Variants in FSTL4 observed in about 807,000 individuals in gnomAD.
The protein encoded by FSTL4 is follistatin like 4, also known as follistatin-related protein 4.
Under a neutral mutation model 78.2 loss-of-function variants are expected in FSTL4, and 28 were observed. The ratio of observed to expected loss-of-function variants is 0.36; its 90% CI spans 0.27 to 0.49. The LOEUF (loss-of-function observed/expected upper bound fraction) is 0.49, where lower values mean the gene tolerates loss of function less well. Ranked by LOEUF, FSTL4 falls within the 20% of genes least tolerant of loss-of-function variation. The pLI is 0.98. For missense variants in FSTL4, 922 were observed against 1,084.9 expected (o/e 0.85, Z 2.11); for synonymous variants, 422 against 440.5 (o/e 0.96, Z 0.53).
rs139952619 is a variant in FSTL4 at position 133,467,187 on chromosome 5, T to C, written c.161-66201A>G. ...GAGTGTATGAGTGTGGGAGTATGCG[T>C]GTATGTGAGTATATGAGTGTGTGAG... is the stretch of plus-strand genomic sequence containing the variant. On this transcript the variant is annotated intron_variant, in intron 3 of 15. Transcript: ENST00000265342. Among the ~76,000 whole-genome samples, 91 of 151,212 alleles carry C rather than the reference T, an allele frequency of 6.0e-4. 1 individual carries two copies. Among genetic ancestry groups the C allele is most frequent in the South Asian group, 3.4e-3 (16 of 4,770 alleles).
At chr5:133,511,943 G>A (rs973498257) in intron 3 of FSTL4, among the ~76,000 whole-genome samples, 71 of 152,102 alleles carry the variant, frequency 4.7e-4, no homozygotes, top group African/African-American at 1.7e-3. Context: ...GCTGCATGGT[G>A]GGAGCCAAAT....
intron 3 of FSTL4, among the ~76,000 whole-genome samples, chr5:133,485,431 T>C (rs553595810): frequency 6.6e-6 from 1 of 152,340 alleles, no homozygotes; most frequent in East Asian, 1.9e-4. Context: ...CCAGCCTGTG[T>C]TGGCAACAGC....
intron 2 of FSTL4, among the ~76,000 whole-genome samples, chr5:133,576,533 G>A (rs1238232021): frequency 6.6e-6 from 1 of 152,186 alleles, no homozygotes. Flanking sequence ...GGAGCTCAAC[G>A]TGGCCAGATC....
chr5:133,804,447 ACT>A, the FSTL4 span, among the ~76,000 whole-genome samples: 1 of 152,218 alleles, frequency 6.6e-6, no homozygotes, highest in African/African-American at 2.4e-5. Context: ...GGATAAGTGA[ACT>A]TAACCTAGTG....
intron 14 of FSTL4, among the ~76,000 whole-genome samples, chr5:133,207,411 CA>C (rs1379725119): frequency 6.6e-6 from 1 of 152,194 alleles, no homozygotes; most frequent in Admixed American, 6.5e-5. Context: ...CCTTTAAGGG[CA>C]ACCTTTTATT....
intron 4 of FSTL4, among the ~76,000 whole-genome samples, chr5:133,380,826 A>G (rs1046119230): frequency 2.7e-5 from 4 of 150,142 alleles, no homozygotes; most frequent in Admixed American, 1.3e-4. Context: ...ATATATATAT[A>G]TAACTTATAA....
the FSTL4 span, among the ~76,000 whole-genome samples, chr5:133,645,669 T>C: frequency 6.6e-6 from 1 of 151,970 alleles, no homozygotes; most frequent in African/African-American, 2.4e-5. Context: ...TTGTCCTGAA[T>C]TACCTAGGCA....
chr5:133,723,987 G>C, the FSTL4 span, among the ~76,000 whole-genome samples: 1,403 of 152,332 alleles, frequency 9.2e-3, 21 homozygotes, highest in African/African-American at 0.032. Flanking sequence ...TGCAGTGGCA[G>C]CAAAATTGGG....
At chr5:133,614,283 A>T (rs1761161797), upstream of FSTL4, among the ~76,000 whole-genome samples, 1 of 152,208 alleles carries the variant, frequency 6.6e-6, no homozygotes, top group African/African-American at 2.4e-5. Context: ...GGTCATATGT[A>T]AATCAGGGTC....
intron 12 of FSTL4, among the ~76,000 whole-genome samples, chr5:133,218,759 G>A (rs931335010): frequency 3.9e-5 from 6 of 152,118 alleles, no homozygotes; most frequent in Non-Finnish European, 1.5e-5. Flanking sequence ...CTCTGACCTC[G>A]TCTATCTCAG....
At chr5:133,550,826 A>G (rs1052459014) in intron 3 of FSTL4, among the ~76,000 whole-genome samples, 3 of 152,204 alleles carry the variant, frequency 2.0e-5, no homozygotes, top group Non-Finnish European at 4.4e-5. Flanking sequence ...TAAAGTCCCA[A>G]TGTAATGGTG....
intron 3 of FSTL4, among the ~76,000 whole-genome samples, chr5:133,473,913 A>C (rs1285915017): frequency 6.6e-6 from 1 of 152,028 alleles, no homozygotes; most frequent in Non-Finnish European, 1.5e-5. Flanking sequence ...AGCATGGGGG[A>C]GCTGCCCCCA....
At chr5:133,604,134 G>C in intron 1 of FSTL4, 141 bp from the exon 2 acceptor site, 1 of 612,912 alleles carries the variant, frequency 1.6e-6, no homozygotes, top group Non-Finnish European at 2.9e-6. Flanking sequence ...ACCTTGGAGA[G>C]GTTATATTAC....
the FSTL4 span, among the ~76,000 whole-genome samples, chr5:133,661,424 T>C: frequency 6.6e-6 from 1 of 152,202 alleles, no homozygotes; most frequent in Non-Finnish European, 1.5e-5. Context: ...AACAGCACCA[T>C]GCCTGGCACA....
intron 3 of FSTL4, among the ~76,000 whole-genome samples, chr5:133,465,312 C>T (rs1261187651): frequency 6.6e-6 from 1 of 152,208 alleles, no homozygotes; most frequent in East Asian, 1.9e-4. Context: ...CAAAGTCTTT[C>T]CTACCTGATT....
chr5:133,442,726 C>T (rs1166239220), intron 3 of FSTL4, among the ~76,000 whole-genome samples: 1 of 152,178 alleles, frequency 6.6e-6, no homozygotes, highest in African/African-American at 2.4e-5. Context: ...ATTTCATGTC[C>T]TCCCTTCTCC....
chr5:133,220,157 A>C (rs976252372), intron 12 of FSTL4, among the ~76,000 whole-genome samples: 4 of 152,254 alleles, frequency 2.6e-5, no homozygotes, highest in Non-Finnish European at 4.4e-5. Flanking sequence ...CTGTATCCTC[A>C]AGGGGAAGGC....
At chr5:133,526,021 C>T (rs1324927639) in intron 3 of FSTL4, among the ~76,000 whole-genome samples, 1 of 152,138 alleles carries the variant, frequency 6.6e-6, no homozygotes. Context: ...TCTCAACTGT[C>T]TACTGAGCAC....
At chr5:133,500,105 G>A (rs1224440974) in intron 3 of FSTL4, among the ~76,000 whole-genome samples, 1 of 152,104 alleles carries the variant, frequency 6.6e-6, no homozygotes, top group Non-Finnish European at 1.5e-5. Flanking sequence ...AGCATGTCCT[G>A]GGCCCCATTT....
Sources: gnomAD v4.1 joint callset for allele counts (sites outside exome capture counted in the v4.1 genomes callset) on GRCh38, gnomAD v4.1.1 for gene constraint, MANE v1.5 for transcripts, NCBI Gene and HGNC (gene_info 2026-07-23, HGNC 2026-07-21) for gene names.